RAP1A: variants seen among roughly 807,000 people sequenced by gnomAD.
RAP1A encodes the protein RAP1A, member of RAS oncogene family.
RAP1A carries 6 observed loss-of-function variants against 26.4 expected under a neutral mutation model. That is an observed-to-expected ratio of 0.23 (90% CI 0.12 to 0.45). RAP1A has a LOEUF of 0.45. Among genes scored for constraint, RAP1A ranks in the 20% least tolerant of loss-of-function variants. RAP1A has a pLI of 0.99. For synonymous variants in RAP1A, 73 were observed against 79.4 expected (o/e 0.92, Z 0.43); for missense variants, 121 against 217.2 (o/e 0.56, Z 2.78).
chr1:111,641,648 T>TGCGC (rs1419680438), intron 1 of RAP1A, among the ~76,000 whole-genome samples: 1 of 152,116 alleles, frequency 6.6e-6, no homozygotes, highest in Non-Finnish European at 1.5e-5. Flanking sequence ...TGTGTGTGTG[T>TGCGC]GCGCGCGCAT....
intron 1 of RAP1A, among the ~76,000 whole-genome samples, chr1:111,671,507 T>C (rs2250824): frequency 0.54 from 81,758 of 151,898 alleles, 22,080 homozygotes; most frequent in African/African-American, 0.61. Flanking sequence ...GGCACTCTCA[T>C]TTTGTTACCC....
In RAP1A at chr1:111,687,368, C is replaced by G. The variant is rs535019651; in HGVS notation, c.-27-3966C>G. Among the ~76,000 whole-genome samples, 88 of 152,074 alleles carry G rather than the reference C, an allele frequency of 5.8e-4. 1 individual carries two copies. Among genetic ancestry groups the G allele is most frequent in the Non-Finnish European group, 9.4e-4 (64 of 67,960 alleles). On this transcript the variant is annotated intron_variant, in intron 1 of 7. Coordinates refer to ENST00000369709, the MANE Select transcript of RAP1A (RefSeq NM_002884.4). Reference sequence around the variant, plus strand: ...GATTACAGGCGCCTGCCACCATGCCCAGCTAATTTTTATATTTTTAGTAGA... The same window carrying G: ...GATTACAGGCGCCTGCCACCATGCCGAGCTAATTTTTATATTTTTAGTAGA...
chr1:111,568,022 G>A (rs998749748), intron 1 of RAP1A, among the ~76,000 whole-genome samples: 4 of 152,164 alleles, frequency 2.6e-5, no homozygotes, highest in Admixed American at 2.6e-4. Flanking sequence ...CAGAAACAGT[G>A]GGCCATTGCT....
chr1:111,649,187 C>T, intron 1 of RAP1A: 1 of 525,188 alleles, frequency 1.9e-6, no homozygotes, highest in Non-Finnish European at 3.8e-6. Context: ...CCTCGATGGT[C>T]TTGAAGTAAT....
chr1:111,600,630 T>C (rs1359746503), intron 1 of RAP1A, among the ~76,000 whole-genome samples: 1 of 152,212 alleles, frequency 6.6e-6, no homozygotes, highest in African/African-American at 2.4e-5. Context: ...GCTTTGTAGA[T>C]GGCCCCGCAC....
chr1:111,690,514 G>T (rs1661636542), intron 1 of RAP1A, among the ~76,000 whole-genome samples: 1 of 152,208 alleles, frequency 6.6e-6, no homozygotes, highest in African/African-American at 2.4e-5. Context: ...CAGAAAGCCA[G>T]GGCAGTGTTA....
chr1:111,693,911 T>TTA (rs1553227093), intron 2 of RAP1A, among the ~76,000 whole-genome samples: 4 of 151,694 alleles, frequency 2.6e-5, no homozygotes, highest in African/African-American at 9.7e-5. Flanking sequence ...TTTTTTTTTT[T>TTA]AAATCTTGAA....
intron 4 of RAP1A, among the ~76,000 whole-genome samples, chr1:111,702,437 G>A (rs4838920): frequency 0.13 from 19,683 of 152,096 alleles, 1,615 homozygotes; most frequent in South Asian, 0.18. Context: ...AATTTGGCAT[G>A]ACTAAAGCTC....
At chr1:111,567,140 C>T (rs1308854154) in intron 1 of RAP1A, among the ~76,000 whole-genome samples, 1 of 152,010 alleles carries the variant, frequency 6.6e-6, no homozygotes, top group Non-Finnish European at 1.5e-5. Flanking sequence ...AAGAAGTCCA[C>T]CATTTAAAGC....
At chr1:111,557,874 T>G (rs1014464320) in intron 1 of RAP1A, among the ~76,000 whole-genome samples, 1 of 152,200 alleles carries the variant, frequency 6.6e-6, no homozygotes, top group Non-Finnish European at 1.5e-5. Context: ...AACAGCACTC[T>G]AAGCTTCCTT....
intron 1 of RAP1A, among the ~76,000 whole-genome samples, chr1:111,596,556 A>G (rs1156298770): frequency 2.0e-5 from 3 of 152,234 alleles, no homozygotes; most frequent in South Asian, 4.1e-4. Flanking sequence ...CTTGGTCCAT[A>G]GCAGATGATC....
chr1:111,607,167 G>C (rs1254064728), intron 1 of RAP1A, among the ~76,000 whole-genome samples: 1 of 151,032 alleles, frequency 6.6e-6, no homozygotes, highest in African/African-American at 2.4e-5. Context: ...AGGACCCTGC[G>C]GCCTTCCGCA....
chr1:111,709,378 G>A, intron 7 of RAP1A, 114 bp downstream of exon 7: 2 of 1,219,902 alleles, frequency 1.6e-6, no homozygotes, highest in Non-Finnish European at 2.2e-6. Flanking sequence ...TCTGTAACTT[G>A]TAAATGTGAT....
At chr1:111,557,969 T>C (rs996821769) in intron 1 of RAP1A, among the ~76,000 whole-genome samples, 4 of 151,884 alleles carry the variant, frequency 2.6e-5, no homozygotes, top group Admixed American at 2.0e-4. Flanking sequence ...GTAACCATTA[T>C]AAGAATAGAA....
intron 1 of RAP1A, among the ~76,000 whole-genome samples, chr1:111,664,136 G>T (rs1334949603): frequency 6.6e-6 from 1 of 152,116 alleles, no homozygotes; most frequent in Non-Finnish European, 1.5e-5. Flanking sequence ...CACTTTGGGA[G>T]GCCACGGAGG....
At chr1:111,619,982 G>A (rs982769665) in intron 1 of RAP1A, 48 bp downstream of exon 1, 2 of 396,962 alleles carry the variant, frequency 5.0e-6, no homozygotes, top group African/African-American at 2.1e-5. Context: ...GGAGCGGGGG[G>A]CGCGGGTCGG....
At chr1:111,620,223 G>A (rs1255740275) in intron 1 of RAP1A, among the ~76,000 whole-genome samples, 1 of 152,230 alleles carries the variant, frequency 6.6e-6, no homozygotes, top group Non-Finnish European at 1.5e-5. Flanking sequence ...CCGGCTGTGG[G>A]AGAGAAAGAG....
chr1:111,648,519 T>A, intron 1 of RAP1A: 1 of 557,200 alleles, frequency 1.8e-6, no homozygotes, highest in Non-Finnish European at 3.4e-6. Context: ...GCGTTGCCCC[T>A]CTGCCCGGGT....
At chr1:111,689,858 A>G (rs950304076) in intron 1 of RAP1A, among the ~76,000 whole-genome samples, 1 of 152,032 alleles carries the variant, frequency 6.6e-6, no homozygotes, top group Non-Finnish European at 1.5e-5. Context: ...TTGTACATTT[A>G]GTAGAGATGG....
Sources: allele counts gnomAD v4.1 joint callset (sites outside exome capture counted in the v4.1 genomes callset), GRCh38; gene constraint gnomAD v4.1.1; transcripts MANE v1.5; gene names NCBI Gene and HGNC (gene_info 2026-07-23, HGNC 2026-07-21).